The following MYH14 variants were observed in gnomAD, a reference collection of about 807,000 sequenced individuals.
MYH14 encodes myosin heavy chain 14.
MYH14 carries 123 observed loss-of-function variants against 255.5 expected under a neutral mutation model. That is an observed-to-expected ratio of 0.48 (90% confidence interval 0.42 to 0.56). The LOEUF is 0.56. Ranked by LOEUF, MYH14 falls within the 20% of genes least tolerant of loss-of-function variation. The probability of loss-of-function intolerance (pLI) is 0.00; values close to 1 mark genes in which losing one functional copy is unlikely to be tolerated. For synonymous variants in MYH14, 1,095 were observed against 1,161.2 expected (o/e 0.94, Z 1.16); for missense variants, 2,423 against 2,802.3 (o/e 0.86, Z 3.06).
rs529409417 is a variant in MYH14 at position 50,310,091 on chromosome 19, C to T, written c.*301C>T. On this transcript the variant is annotated 3_prime_UTR_variant, in exon 43 of 43. Coordinates refer to ENST00000642316, the MANE Select transcript of MYH14 (RefSeq NM_001145809.2). ...AGCTCCCTGTCCTCCTTTCTTCCCT[C>T]GTTATTGATCTATAGACATTAGGAA... 7.6e-4 allele frequency: 382 copies of T among 502,760 alleles called. 2 individuals carry two copies. Among genetic ancestry groups the T allele is most frequent in the African/African-American group, 7.0e-3 (360 of 51,266 alleles). The allele number at this position is 502,760 out of a possible 1,614,324, so 31.1% of individuals were successfully genotyped here.
At position 50,276,914 on chromosome 19, in the gene MYH14, AG is replaced by A. The variant is rs1434983906; in HGVS notation, c.3825+18del. The A allele has an allele frequency of 1.9e-6, 1 of 531,266 alleles. No homozygotes were observed. The highest frequency in any genetic ancestry group is 2.8e-6 in the Non-Finnish European group (1 of 354,360). 32.9% of individuals were successfully genotyped at this position (531,266 alleles called of 1,614,324 possible). ...GCAGGCCCGGAGGGTGGGTTGGGGCAGGGGGACAGGGCAGGGGGGCCACGGG... is the reference window on the plus strand; with the variant it reads ...GCAGGCCCGGAGGGTGGGTTGGGGCAGGGGACAGGGCAGGGGGGCCACGGG... On this transcript the variant is annotated intron_variant, in intron 29 of 42. Transcript: ENST00000642316. The surrounding 1 kb of genome is among the most constrained non-coding windows in gnomAD (Gnocchi z 4.3).
At position 50,293,082 on chromosome 19, in the gene MYH14, C is replaced by T; in HGVS notation, c.5257-151C>T. On this transcript the variant is annotated intron_variant, in intron 37 of 42. Transcript: ENST00000642316. The surrounding 1 kb of genome is among the most constrained non-coding windows in gnomAD (Gnocchi z 4.1). ...GGGCTCAGGAGACAGATTTAGGAGA[C>T]ATCTGTAGGTTGCAGCTCATTCCAG... is the stretch of plus-strand genomic sequence containing the variant. 1.5e-6 allele frequency: 1 copy of T among 667,666 alleles called. No homozygotes were observed. The highest frequency in any genetic ancestry group is 1.7e-5 in the South Asian group (1 of 57,240). 41.4% of individuals were successfully genotyped at this position (667,666 alleles called of 1,614,324 possible). A position where few individuals can be genotyped will look rare whatever the true frequency, so the allele number is the denominator to read the frequency against.
chr19:50,233,104 G>A (rs926295101), intron 10 of MYH14, among the ~76,000 whole-genome samples: 7 of 152,082 alleles, frequency 4.6e-5, no homozygotes, highest in African/African-American at 1.2e-4. Flanking sequence ...CAGGCTGCGC[G>A]GCACTGGTTA....
At chr19:50,289,770 C>T (rs544387586) in intron 35 of MYH14, 122 bp downstream of exon 35, 120 of 855,138 alleles carry the variant, frequency 1.4e-4, no homozygotes, top group Non-Finnish European at 1.8e-4. Context: ...CTCCTCCACC[C>T]GCCGACCACT....
chr19:50,259,695 G>A (rs1448590075), intron 19 of MYH14, among the ~76,000 whole-genome samples: 4 of 152,032 alleles, frequency 2.6e-5, no homozygotes, highest in Non-Finnish European at 5.9e-5. Context: ...CCTGACCAAC[G>A]TGGAGAAACC....
chr19:50,212,796 T>C (rs2032268920), intron 2 of MYH14, among the ~76,000 whole-genome samples: 1 of 152,098 alleles, frequency 6.6e-6, no homozygotes, highest in Non-Finnish European at 1.5e-5. Context: ...ATGGGGTTGG[T>C]GTCTTCTCCA....
Position 50,266,538 on chromosome 19 carries a change from G to A in MYH14, c.2695-339G>A, listed in dbSNP as rs533421385. On this transcript the variant is annotated intron_variant, in intron 22 of 42. Coordinates refer to ENST00000642316, the MANE Select transcript of MYH14 (RefSeq NM_001145809.2). This position sits in a 1 kb window ranked among gnomAD's most constrained non-coding sequence, Gnocchi z 4.1. ...CCCACCACTGCACTCCAGCCTGGGC[G>A]AGAGAGCAAGACTCTGTCGAAAGGA... 6.6e-6 allele frequency among the ~76,000 whole-genome samples: 1 copy of A among 152,254 alleles called. No homozygotes were observed. The highest frequency in any genetic ancestry group is 2.1e-4 in the South Asian group (1 of 4,820).
At chr19:50,290,750 T>A in intron 35 of MYH14, 137 bp from the exon 36 acceptor site, 1 of 856,542 alleles carries the variant, frequency 1.2e-6, no homozygotes, top group Non-Finnish European at 1.8e-6. Context: ...GGAGACCAAG[T>A]AAAGAGAGTC....
intron 18 of MYH14, chr19:50,258,741 A>AAAAC (rs1555767772): frequency 0.22 from 32,721 of 145,496 alleles, 4,405 homozygotes; most frequent in African/African-American, 0.28. Context: ...AAAAAAAAAA[A>AAAAC]AAACGAACAA....
intron 39 of MYH14, among the ~76,000 whole-genome samples, chr19:50,301,398 G>T (rs536568965): frequency 1.3e-5 from 2 of 152,322 alleles, no homozygotes; most frequent in African/African-American, 2.4e-5. Context: ...AAACAAGTTT[G>T]TGATGGTCTC....
Position 50,259,190 on chromosome 19 carries a change from A to C in MYH14, c.2279A>C (p.Asn760Thr). The C allele has an allele frequency of 6.3e-7, 1 of 1,575,552 alleles. No homozygotes were observed. Among genetic ancestry groups the C allele is most frequent in the Non-Finnish European group, 8.6e-7 (1 of 1,160,204 alleles). ...PRLVLDQLRC[N>T]GVLEGIRICR... is the part of the protein sequence containing the mutation. ...CTGGTGCTGGACCAGCTTCGCTGCA[A>C]CGGGGTCCTGGAGGGCATCCGCATC... The change falls in exon 19 of 43, where the codon AAC becomes ACC. Residue 760 changes from asparagine to threonine, a missense_variant. Coordinates refer to ENST00000642316, the MANE Select transcript of MYH14 (RefSeq NM_001145809.2).
Position 50,280,415 on chromosome 19 carries a change from G to T in MYH14, c.4290+32G>T, listed in dbSNP as rs1431746452. On this transcript the variant is annotated intron_variant, in intron 32 of 42. Transcript: ENST00000642316. The surrounding 1 kb of genome is among the most constrained non-coding windows in gnomAD (Gnocchi z 4.8). Reference sequence around the variant, plus strand: ...AGCCCTACGTAAGACCTTCAGGGAGGCACAGCCCCCCTCACTGCTCCTCCT... The same window carrying T: ...AGCCCTACGTAAGACCTTCAGGGAGTCACAGCCCCCCTCACTGCTCCTCCT... 1.3e-6 allele frequency: 2 copies of T among 1,492,410 alleles called. No homozygotes were observed. The highest frequency in any genetic ancestry group is 1.8e-6 in the Non-Finnish European group (2 of 1,115,102). The allele number at this position is 1,492,410 out of a possible 1,614,324, so 92.4% of individuals were successfully genotyped here. A position where few individuals can be genotyped will look rare whatever the true frequency, so the allele number is the denominator to read the frequency against.
At chr19:50,264,547 T>C (rs1285147869) in intron 22 of MYH14, among the ~76,000 whole-genome samples, 1 of 152,166 alleles carries the variant, frequency 6.6e-6, no homozygotes, top group East Asian at 1.9e-4. Context: ...CCAGGTCTGC[T>C]GAGTTAACCC....
At chr19:50,256,497 A>G (rs2034596577) in intron 17 of MYH14, among the ~76,000 whole-genome samples, 2 of 152,170 alleles carry the variant, frequency 1.3e-5, no homozygotes, top group African/African-American at 4.8e-5. Context: ...TCAGCCTTCC[A>G]AGTAGCTGGG....
chr19:50,248,882 C>T (rs946836039), intron 12 of MYH14, 105 bp from the exon 13 acceptor site: 12 of 1,212,162 alleles, frequency 9.9e-6, no homozygotes, highest in African/African-American at 4.5e-5. Context: ...AGCTGGGAGG[C>T]GACCTTAAGG....
chr19:50,292,079 G>A (rs139116043), intron 36 of MYH14, among the ~76,000 whole-genome samples, 182 bp from the exon 37 acceptor site: 97 of 152,294 alleles, frequency 6.4e-4, no homozygotes, highest in Middle Eastern at 3.4e-3. Context: ...CAGAGTGGGA[G>A]AGGCTGGCTC....
chr19:50,206,674 C>G (rs1181948564), intron 1 of MYH14, among the ~76,000 whole-genome samples: 1 of 152,066 alleles, frequency 6.6e-6, no homozygotes, highest in Non-Finnish European at 1.5e-5. Context: ...CTCAGCGGAG[C>G]TGGGATTCCC....
intron 9 of MYH14, 148 bp from the exon 10 acceptor site, chr19:50,231,782 C>T (rs891935231): frequency 1.6e-5 from 17 of 1,049,592 alleles, no homozygotes; most frequent in South Asian, 3.1e-5. Context: ...ACTCCACCCC[C>T]GACCCTTCCC....
intron 10 of MYH14, among the ~76,000 whole-genome samples, chr19:50,238,457 T>C (rs564300879): frequency 2.0e-5 from 3 of 152,284 alleles, no homozygotes; most frequent in African/African-American, 7.2e-5. Context: ...ATTTTTTATT[T>C]TTTTTGAGAT....
Sources: gnomAD v4.1 joint callset for allele counts (sites outside exome capture counted in the v4.1 genomes callset) on GRCh38, gnomAD v4.1.1 for gene constraint, Gnocchi (gnomAD v3.1) non-coding constraint, MANE v1.5 for transcripts, NCBI Gene and HGNC (gene_info 2026-07-23, HGNC 2026-07-21) for gene names.